Variants in SYT16 observed in about 807,000 individuals in gnomAD.
The protein encoded by SYT16 is synaptotagmin 16.
A neutral mutation model predicts 61.4 loss-of-function variants in SYT16; 42 were observed. The ratio of observed to expected loss-of-function variants is 0.68; its 90% confidence interval spans 0.53 to 0.89. The LOEUF is 0.89. Among genes scored for constraint, SYT16 ranks in the 40% least tolerant of loss-of-function variants. The probability of loss-of-function intolerance (pLI) is 0.00; values close to 1 mark genes in which losing one functional copy is unlikely to be tolerated. For synonymous variants in SYT16, 314 were observed against 302.3 expected (o/e 1.04, Z -0.40); for missense variants, 804 against 807.3 (o/e 1.00, Z 0.05).
At chr14:62,055,615 C>A (rs2055517871) in intron 3 of SYT16, among the ~76,000 whole-genome samples, 1 of 152,054 alleles carries the variant, frequency 6.6e-6, no homozygotes, top group Non-Finnish European at 1.5e-5. Context: ...AGAAAATAAG[C>A]CTCAAAGAGG....
chr14:62,060,647 C>T (rs927384698), intron 3 of SYT16, among the ~76,000 whole-genome samples: 1 of 151,906 alleles, frequency 6.6e-6, no homozygotes, highest in South Asian at 2.1e-4. Context: ...CTTAAACCAA[C>T]CTTGCCTCTC....
intron 1 of SYT16, among the ~76,000 whole-genome samples, chr14:61,877,282 C>T (rs879251839): frequency 2.0e-5 from 3 of 152,100 alleles, no homozygotes; most frequent in Admixed American, 2.0e-4. Flanking sequence ...TTGTCTGCAC[C>T]TCAGGGAGGG....
intron 1 of SYT16, among the ~76,000 whole-genome samples, chr14:61,893,056 C>T (rs551042754): frequency 1.3e-5 from 2 of 152,196 alleles, no homozygotes; most frequent in Admixed American, 6.5e-5. Flanking sequence ...TAAAACAGGC[C>T]GTTATAGCGA....
intron 3 of SYT16, among the ~76,000 whole-genome samples, chr14:62,048,027 A>G (rs1247034450): frequency 6.6e-6 from 1 of 152,134 alleles, no homozygotes; most frequent in Admixed American, 6.5e-5. Flanking sequence ...TTTTCTATTG[A>G]TTGGAATAGT....
intron 1 of SYT16, among the ~76,000 whole-genome samples, chr14:61,874,515 C>G (rs2047426910): frequency 6.6e-6 from 1 of 152,148 alleles, no homozygotes; most frequent in Non-Finnish European, 1.5e-5. Flanking sequence ...ATTTTTATAT[C>G]AGACAAGGTA....
At position 62,040,573 on chromosome 14, in the gene SYT16, G is replaced by C. The variant is rs371280605; in HGVS notation, c.524-29030G>C. 4.3e-3 allele frequency among the ~76,000 whole-genome samples: 658 copies of C among 152,168 alleles called. 3 individuals carry two copies. Among genetic ancestry groups the C allele is most frequent in the African/African-American group, 0.015 (629 of 41,530 alleles). ...TAAAGTGTATTTTGCCTTCGTTTTT[G>C]AAAGATATTTTGTCTAAGTATAGAG... On this transcript the variant is annotated intron_variant, in intron 3 of 7. Coordinates refer to ENST00000683842, the MANE Select transcript of SYT16 (RefSeq NM_001367656.1).
In SYT16 at chr14:61,876,708, G is replaced by A. The variant is rs202113103; in HGVS notation, c.-325+63898G>A. Among the ~76,000 whole-genome samples, 15 of 152,324 alleles carry A rather than the reference G, an allele frequency of 9.8e-5. No homozygotes were observed. The East Asian group carries it at 2.9e-3, about 29-fold the overall frequency. The stretch of plus-strand genomic sequence containing the variant: ...TTGTACCCAAAAAGAACAGGACCAA[G>A]TCTTTCTGAAAATTACTGTCTGTGT... On this transcript the variant is annotated intron_variant, in intron 1 of 7. Coordinates refer to ENST00000683842, the MANE Select transcript of SYT16 (RefSeq NM_001367656.1).
At chr14:61,947,266 T>TGG (rs1379051702) in intron 1 of SYT16, among the ~76,000 whole-genome samples, 2 of 52,460 alleles carry the variant, frequency 3.8e-5, no homozygotes, top group Non-Finnish European at 8.8e-5. Flanking sequence ...CTTTAGTCCT[T>TGG]CGTGTGTGTG....
At chr14:62,042,416 C>T (rs185451505) in intron 3 of SYT16, among the ~76,000 whole-genome samples, 15 of 152,248 alleles carry the variant, frequency 9.9e-5, no homozygotes, top group Non-Finnish European at 1.6e-4. Flanking sequence ...AGTGGCTCTT[C>T]GATCATTTCA....
At chr14:62,091,596 A>G (rs2057075508) in intron 7 of SYT16, among the ~76,000 whole-genome samples, 1 of 152,218 alleles carries the variant, frequency 6.6e-6, no homozygotes, top group Non-Finnish European at 1.5e-5. Context: ...GAGACCATTC[A>G]AAGGGAAAAG....
At chr14:62,078,155 C>CTA (rs374965535) in intron 5 of SYT16, among the ~76,000 whole-genome samples, 2,072 of 135,940 alleles carry the variant, frequency 0.015, 29 homozygotes, top group Middle Eastern at 0.034. Flanking sequence ...CTCTCTCTCT[C>CTA]TATATATATA....
At chr14:61,982,559 C>T (rs1019121392) in intron 2 of SYT16, among the ~76,000 whole-genome samples, 1 of 152,056 alleles carries the variant, frequency 6.6e-6, no homozygotes, top group Non-Finnish European at 1.5e-5. Context: ...CCACCAGGTC[C>T]CTCCCATAAC....
chr14:61,959,887 T>C (rs1595019504), intron 1 of SYT16, among the ~76,000 whole-genome samples: 1 of 152,094 alleles, frequency 6.6e-6, no homozygotes, highest in East Asian at 1.9e-4. Flanking sequence ...TGGAGTGCAG[T>C]GGTGCAATCA....
At chr14:62,100,259 C>T in intron 7 of SYT16, 135 bp from the exon 8 acceptor site, 1 of 735,326 alleles carries the variant, frequency 1.4e-6, no homozygotes, top group Non-Finnish European at 2.2e-6. Flanking sequence ...ACAGCAAGAA[C>T]CAGGCTTAAG....
At chr14:61,861,189 G>A (rs1026793860) in intron 1 of SYT16, among the ~76,000 whole-genome samples, 20 of 152,210 alleles carry the variant, frequency 1.3e-4, no homozygotes, top group African/African-American at 4.8e-4. Flanking sequence ...ATATCCAGTG[G>A]ACTATTTTGT....
intron 1 of SYT16, among the ~76,000 whole-genome samples, chr14:61,910,121 A>G (rs566515078): frequency 1.3e-5 from 2 of 152,340 alleles, no homozygotes; most frequent in African/African-American, 4.8e-5. Flanking sequence ...CTTACTTGCT[A>G]TCATTGCTAT....
At chr14:61,989,827 G>T (rs888073439) in intron 2 of SYT16, among the ~76,000 whole-genome samples, 1 of 152,122 alleles carries the variant, frequency 6.6e-6, no homozygotes. Context: ...AATGATGAAA[G>T]CATATTTTGA....
intron 2 of SYT16, among the ~76,000 whole-genome samples, chr14:61,987,848 T>A (rs184986052): frequency 2.5e-4 from 38 of 152,188 alleles, no homozygotes; most frequent in African/African-American, 3.9e-4. Flanking sequence ...TAGAATATTT[T>A]AAAATCTATC....
intron 2 of SYT16, among the ~76,000 whole-genome samples, chr14:61,983,380 A>G (rs1346450396): frequency 1.3e-5 from 2 of 152,186 alleles, no homozygotes; most frequent in Non-Finnish European, 2.9e-5. Flanking sequence ...TTTGAGGTTT[A>G]ATGAAAAGAT....
Sources: allele counts gnomAD v4.1 joint callset (sites outside exome capture counted in the v4.1 genomes callset), GRCh38; gene constraint gnomAD v4.1.1; transcripts MANE v1.5; gene names NCBI Gene and HGNC (gene_info 2026-07-23, HGNC 2026-07-21).